Variants in CNBD1 observed in about 807,000 individuals in gnomAD.
The protein encoded by CNBD1 is cyclic nucleotide binding domain containing 1, also known as cyclic nucleotide-binding domain-containing protein 1.
CNBD1 carries 71 observed loss-of-function variants against 54.4 expected under a neutral mutation model. The ratio of observed to expected loss-of-function variants is 1.30; its 90% CI spans 1.08 to 1.59. The LOEUF is 1.59. CNBD1 is among the 40% of genes most tolerant of loss of function. The pLI is 0.00. For synonymous variants in CNBD1, 182 were observed against 170.7 expected (o/e 1.07, Z -0.51); for missense variants, 659 against 518.0 (o/e 1.27, Z -2.64).
intron 8 of CNBD1, among the ~76,000 whole-genome samples, chr8:87,324,154 C>G (rs1809609436): frequency 8.0e-6 from 1 of 124,226 alleles, no homozygotes; most frequent in African/African-American, 3.0e-5. Context: ...GGATGAAGCC[C>G]ACTTGATCAT....
At chr8:86,997,288 A>G (rs1011318308) in intron 4 of CNBD1, among the ~76,000 whole-genome samples, 5 of 152,310 alleles carry the variant, frequency 3.3e-5, no homozygotes, top group Admixed American at 3.3e-4. Flanking sequence ...CTTTTGGAAC[A>G]CTTAAAAAAT....
At chr8:87,376,334 TAGAGAG>T (rs1215308834) in intron 10 of CNBD1, among the ~76,000 whole-genome samples, 1 of 151,824 alleles carries the variant, frequency 6.6e-6, no homozygotes, top group African/African-American at 2.4e-5. Context: ...TGGCTGAGAA[TAGAGAG>T]CAAGCTCTGA....
chr8:86,962,202 AG>A (rs1428119142), intron 4 of CNBD1, among the ~76,000 whole-genome samples: 2 of 152,220 alleles, frequency 1.3e-5, no homozygotes, highest in Non-Finnish European at 2.9e-5. Flanking sequence ...GTGTGCAATA[AG>A]AATGGTAAGA....
In CNBD1 at chr8:87,248,630, T is replaced by C. The variant is rs538727793; in HGVS notation, c.771+11518T>C. On this transcript the variant is annotated intron_variant, in intron 6 of 10. Coordinates refer to ENST00000518476, the MANE Select transcript of CNBD1 (RefSeq NM_173538.3). ...TTGCCACATATTATATAAAGCAGGA[T>C]TGGAGAATGTGAATCACCTGTTGCA... 2.6e-5 allele frequency among the ~76,000 whole-genome samples: 4 copies of C among 152,292 alleles called. No homozygotes were observed. In the East Asian group the frequency reaches 5.8e-4, roughly 22 times the overall value.
chr8:86,879,843 G>A (rs1808577513), intron 1 of CNBD1, among the ~76,000 whole-genome samples: 2 of 151,150 alleles, frequency 1.3e-5, no homozygotes, highest in South Asian at 4.2e-4. Context: ...CTGCACTCCA[G>A]CCTGGGCGAC....
chr8:87,425,981 G>T (rs1046081886), intron 2 of CNBD1, among the ~76,000 whole-genome samples: 1 of 152,210 alleles, frequency 6.6e-6, no homozygotes, highest in Non-Finnish European at 1.5e-5. Flanking sequence ...ACTCAGTGGG[G>T]CAGGACCCTC....
At chr8:86,969,617 A>T (rs1222766636) in intron 4 of CNBD1, among the ~76,000 whole-genome samples, 1 of 152,102 alleles carries the variant, frequency 6.6e-6, no homozygotes. Context: ...ATACAAATTT[A>T]TTATGTGCAT....
intron 2 of CNBD1, among the ~76,000 whole-genome samples, chr8:87,410,299 A>G (rs1333098492): frequency 6.6e-6 from 1 of 152,182 alleles, no homozygotes; most frequent in Non-Finnish European, 1.5e-5. Flanking sequence ...TAAAAAATAC[A>G]TTTCATTAGG....
At chr8:87,026,784 C>T (rs537301999) in intron 4 of CNBD1, among the ~76,000 whole-genome samples, 58 of 152,220 alleles carry the variant, frequency 3.8e-4, no homozygotes, top group African/African-American at 1.3e-3. Flanking sequence ...TTGAATTATA[C>T]GTAGGTATTT....
At chr8:87,070,002 C>G (rs560965826) in intron 4 of CNBD1, among the ~76,000 whole-genome samples, 1 of 152,146 alleles carries the variant, frequency 6.6e-6, no homozygotes, top group African/African-American at 2.4e-5. Context: ...CTGAGGTTTT[C>G]ATCTGGTGTC....
Position 87,284,720 on chromosome 8 carries a change from C to A in CNBD1, c.814C>A (p.Gln272Lys). ...STFGTLEVMP[Q>K]NESETQMFSV... ...CTTTGGGACTCTGGAAGTTATGCCT[C>A]AGAATGAATCGGAAACACAGATGTT... The change falls in exon 7 of 11, where the codon CAG becomes AAG. Residue 272 changes from glutamine to lysine, a missense_variant. By Grantham distance (53) the Gln-to-Lys change is moderately conservative. Transcript: ENST00000518476. 6.2e-7 allele frequency: 1 copy of A among 1,604,880 alleles called. No homozygotes were observed.
At chr8:87,232,567 T>C (rs894778499) in intron 5 of CNBD1, among the ~76,000 whole-genome samples, 1 of 152,178 alleles carries the variant, frequency 6.6e-6, no homozygotes, top group Non-Finnish European at 1.5e-5. Flanking sequence ...TTTCAGTAAG[T>C]TTAATTTTGT....
In CNBD1 at chr8:87,416,581, C is replaced by G. The variant is rs1003164685; in HGVS notation, c.214-11965C>G. On this transcript the variant is annotated intron_variant, in intron 2 of 7. Transcript: ENST00000521593. ...GACCCTTAAATGCCTCATTCCCAGA[C>G]AAGCATCCTTCTCTTACATGTCTGG... is the stretch of plus-strand genomic sequence containing the variant. Among the ~76,000 whole-genome samples, 7 of 152,132 alleles carry G rather than the reference C, an allele frequency of 4.6e-5. No individual in the cohort carries two copies. In the East Asian group the frequency reaches 5.8e-4, roughly 13 times the overall value.
At chr8:87,307,185 G>T (rs907800578) in intron 8 of CNBD1, among the ~76,000 whole-genome samples, 3 of 152,124 alleles carry the variant, frequency 2.0e-5, no homozygotes, top group African/African-American at 7.2e-5. Flanking sequence ...AATAATTGTT[G>T]TTTTAACATT....
intron 4 of CNBD1, among the ~76,000 whole-genome samples, chr8:87,178,382 G>A (rs1169343075): frequency 6.6e-6 from 1 of 152,182 alleles, no homozygotes; most frequent in Non-Finnish European, 1.5e-5. Flanking sequence ...GGCATGCAAT[G>A]CAGATATCTG....
intron 8 of CNBD1, among the ~76,000 whole-genome samples, chr8:87,317,479 T>G (rs1809414451): frequency 6.6e-6 from 1 of 151,724 alleles, no homozygotes; most frequent in Non-Finnish European, 1.5e-5. Flanking sequence ...ATTTTTAAAT[T>G]TTATTGTTAT....
chr8:87,025,183 T>C (rs1809610806), intron 4 of CNBD1, among the ~76,000 whole-genome samples: 1 of 143,350 alleles, frequency 7.0e-6, no homozygotes, highest in African/African-American at 3.0e-5. Context: ...CTCCGTAAAA[T>C]GGACCAATCA....
chr8:86,885,531 A>T (rs1172955466), intron 1 of CNBD1, among the ~76,000 whole-genome samples: 4 of 152,186 alleles, frequency 2.6e-5, no homozygotes, highest in Non-Finnish European at 4.4e-5. Flanking sequence ...ACAAATGTAA[A>T]CTTTATACTC....
intron 1 of CNBD1, among the ~76,000 whole-genome samples, chr8:86,868,270 T>C (rs1808392163): frequency 6.6e-6 from 1 of 152,184 alleles, no homozygotes; most frequent in South Asian, 2.1e-4. Flanking sequence ...CTTGATACTT[T>C]GTATTTGTTG....
Sources: allele counts gnomAD v4.1 joint callset (sites outside exome capture counted in the v4.1 genomes callset), GRCh38; gene constraint gnomAD v4.1.1; transcripts MANE v1.5; gene names NCBI Gene and HGNC (gene_info 2026-07-23, HGNC 2026-07-21).